NBEA: variants seen among roughly 807,000 people sequenced by gnomAD.
NBEA encodes the protein neurobeachin, also known as lysosomal-trafficking regulator 2.
In NBEA, 44 loss-of-function variants were observed where a neutral mutation model predicts 343.4. The observed-to-expected ratio is 0.13, with a 90% CI of 0.10 to 0.16. The LOEUF (loss-of-function observed/expected upper bound fraction) is 0.16. Among genes scored for constraint, NBEA ranks in the 10% least tolerant of loss-of-function variants. NBEA has a pLI of 1.00. For missense variants in NBEA, 2,555 were observed against 3,631.3 expected (o/e 0.70, Z 7.62); for synonymous variants, 1,175 against 1,238.7 (o/e 0.95, Z 1.08).
At chr13:35,052,445 A>T (rs1420741165) in intron 6 of NBEA, among the ~76,000 whole-genome samples, 1 of 151,938 alleles carries the variant, frequency 6.6e-6, no homozygotes, top group African/African-American at 2.4e-5. Flanking sequence ...TTTTCAATTT[A>T]TTTTCATATC....
chr13:35,659,663 A>C (rs1008267131), intron 55 of NBEA, among the ~76,000 whole-genome samples: 1 of 152,234 alleles, frequency 6.6e-6, no homozygotes, highest in Non-Finnish European at 1.5e-5. Context: ...AGACCATAAA[A>C]GAGATAAGCA....
At chr13:35,288,848 T>C (rs867167653) in intron 34 of NBEA, among the ~76,000 whole-genome samples, 2 of 151,964 alleles carry the variant, frequency 1.3e-5, no homozygotes, top group African/African-American at 4.8e-5. Context: ...AATCTTTGAG[T>C]AGTCAACAGG....
intron 36 of NBEA, among the ~76,000 whole-genome samples, chr13:35,329,776 A>G (rs1330962658): frequency 8.0e-6 from 1 of 124,930 alleles, no homozygotes; most frequent in African/African-American, 4.5e-5. Context: ...TCAAAATTAA[A>G]CTGCATTTTA....
intron 38 of NBEA, among the ~76,000 whole-genome samples, chr13:35,412,597 A>G (rs1039397816): frequency 6.6e-6 from 1 of 152,094 alleles, no homozygotes; most frequent in South Asian, 2.1e-4. Context: ...GGCTTGGCTC[A>G]TAGATTTGTA....
At chr13:35,060,026 T>G (rs761951733) in intron 8 of NBEA, among the ~76,000 whole-genome samples, 23 of 151,952 alleles carry the variant, frequency 1.5e-4, no homozygotes, top group African/African-American at 5.3e-4. Context: ...CTGCCATTGT[T>G]GATCTTGCAT....
chr13:35,294,083 A>T (rs968630227), intron 35 of NBEA, among the ~76,000 whole-genome samples: 1 of 152,066 alleles, frequency 6.6e-6, no homozygotes, highest in South Asian at 2.1e-4. Context: ...CTGTGTATGA[A>T]GTCACTAACA....
intron 1 of NBEA, among the ~76,000 whole-genome samples, chr13:34,974,121 C>G (rs997713920): frequency 6.6e-6 from 1 of 152,178 alleles, no homozygotes; most frequent in Non-Finnish European, 1.5e-5. Flanking sequence ...GGAGGTTCCT[C>G]CGGCTTTGTG....
At chr13:35,155,676 T>G in intron 18 of NBEA, 98 bp from the exon 19 acceptor site, 2 of 872,282 alleles carry the variant, frequency 2.3e-6, no homozygotes, top group Non-Finnish European at 3.7e-6. Context: ...TGGTTTGGAC[T>G]GCATTGACAT....
chr13:35,442,921 T>G (rs1280654016), intron 39 of NBEA, among the ~76,000 whole-genome samples: 2 of 152,104 alleles, frequency 1.3e-5, no homozygotes, highest in Non-Finnish European at 2.9e-5. Context: ...TTACTGGAGT[T>G]GGGGAAGCAT....
At chr13:35,482,549 A>G (rs1160985899) in intron 41 of NBEA, among the ~76,000 whole-genome samples, 1 of 151,518 alleles carries the variant, frequency 6.6e-6, no homozygotes, top group Admixed American at 6.6e-5. Context: ...ATCCTTATCC[A>G]TTTTATTATC....
chr13:35,211,135 A>G lies in NBEA; in HGVS notation c.5604A>G (p.Val1868=). Residue 1868 remains valine (V), a synonymous_variant, in exon 33 of 59, where the codon GTA becomes GTG. Coordinates refer to ENST00000379939, the MANE Select transcript of NBEA (RefSeq NM_001385012.1). ...NGATSKNLPA[V]QTVAPMPEDS... ...CTACTAGCAAAAACCTTCCAGCTGT[A>G]CAAACTGTTGCTCCAATGCCAGAAG... 2.6e-6 allele frequency: 4 copies of G among 1,553,734 alleles called. No homozygotes were observed. Among genetic ancestry groups the G allele is most frequent in the Middle Eastern group, 1.7e-4 (1 of 5,998 alleles).
intron 38 of NBEA, among the ~76,000 whole-genome samples, chr13:35,380,338 T>A (rs1841657): frequency 1.3e-5 from 2 of 151,876 alleles, no homozygotes; most frequent in African/African-American, 2.4e-5. Flanking sequence ...CCAGCTACTC[T>A]GGAGGCTGAG....
intron 45 of NBEA, among the ~76,000 whole-genome samples, chr13:35,579,994 G>C (rs1307473317): frequency 1.3e-5 from 2 of 152,048 alleles, no homozygotes; most frequent in Non-Finnish European, 2.9e-5. Flanking sequence ...TAAGGAATGT[G>C]AATTTTTTTA....
At chr13:35,573,817 T>C (rs1207005470) in intron 45 of NBEA, among the ~76,000 whole-genome samples, 1 of 152,232 alleles carries the variant, frequency 6.6e-6, no homozygotes, top group Admixed American at 6.5e-5. Context: ...TTATGCACTT[T>C]AATTTCACCA....
In NBEA at chr13:35,397,379, A is replaced by G. The variant is rs180974644; in HGVS notation, c.6180-34890A>G. ...TCTCATAGAGGCTTTCCCCAACCAT[A>G]CTGTATATAATATTTCTAGTCCATC... On this transcript the variant is annotated intron_variant, in intron 38 of 58. Transcript: ENST00000379939. 5.1e-4 allele frequency among the ~76,000 whole-genome samples: 77 copies of G among 152,238 alleles called. 1 individual carries two copies. The highest frequency in any genetic ancestry group is 1.8e-3 in the African/African-American group (76 of 41,550).
intron 28 of NBEA, among the ~76,000 whole-genome samples, chr13:35,179,004 A>G (rs2071119128): frequency 6.6e-6 from 1 of 151,696 alleles, no homozygotes; most frequent in African/African-American, 2.4e-5. Flanking sequence ...TAAGGGTGAC[A>G]TAGTGTTTAA....
intron 48 of NBEA, among the ~76,000 whole-genome samples, chr13:35,610,249 A>G (rs1453550610): frequency 6.6e-6 from 1 of 152,088 alleles, no homozygotes; most frequent in African/African-American, 2.4e-5. Context: ...AAACTTAGTC[A>G]GGTGTGGTGA....
Position 35,160,118 on chromosome 13 carries a change from T to C in NBEA, c.3861+86T>C, listed in dbSNP as rs149049221. The stretch of plus-strand genomic sequence containing the variant: ...CAAAACAGAGTAATTTCTTATCAGT[T>C]ACTTCATGTTTATATTGAATTATAG... On this transcript the variant is annotated intron_variant, in intron 22 of 58. Transcript: ENST00000379939. 6.3e-4 allele frequency: 757 copies of C among 1,204,654 alleles called. 14 individuals are homozygous for C. In the East Asian group the frequency reaches 0.019, roughly 30 times the overall value. 74.6% of individuals were successfully genotyped at this position (1,204,654 alleles called of 1,614,324 possible).
intron 41 of NBEA, among the ~76,000 whole-genome samples, chr13:35,542,072 A>G (rs1476649581): frequency 6.6e-6 from 1 of 151,522 alleles, no homozygotes; most frequent in African/African-American, 2.4e-5. Flanking sequence ...TGAATTAGAG[A>G]AAAAAAATCA....
Sources: allele counts gnomAD v4.1 joint callset (sites outside exome capture counted in the v4.1 genomes callset), GRCh38; gene constraint gnomAD v4.1.1; transcripts MANE v1.5; gene names NCBI Gene and HGNC (gene_info 2026-07-23, HGNC 2026-07-21).